The following RBMS3 variants were observed in gnomAD, a reference collection of about 807,000 sequenced individuals.
RBMS3 encodes RNA-binding motif, single-stranded-interacting protein 3.
RBMS3 carries 27 observed loss-of-function variants against 66.8 expected under a neutral mutation model. That is an observed-to-expected ratio of 0.40 (90% CI 0.30 to 0.56). The LOEUF (loss-of-function observed/expected upper bound fraction) is 0.56, where lower values mean the gene tolerates loss of function less well. Ranked by LOEUF, RBMS3 falls within the 20% of genes least tolerant of loss-of-function variation. RBMS3 has a pLI of 0.40. For synonymous variants in RBMS3, 188 were observed against 183.0 expected (o/e 1.03, Z -0.22); for missense variants, 513 against 549.5 (o/e 0.93, Z 0.66).
intron 8 of RBMS3, among the ~76,000 whole-genome samples, chr3:29,894,023 T>A (rs919465569): frequency 2.0e-5 from 3 of 151,594 alleles, no homozygotes; most frequent in Non-Finnish European, 3.0e-5. Context: ...CATTCTAGAA[T>A]GAGAAATGTC....
intron 1 of RBMS3, among the ~76,000 whole-genome samples, chr3:29,387,502 T>A (rs953792906): frequency 6.6e-6 from 1 of 152,200 alleles, no homozygotes; most frequent in African/African-American, 2.4e-5. Context: ...CAGACCTACA[T>A]AATTGCCTGC....
chr3:29,376,305 C>A (rs1318980522), intron 1 of RBMS3, among the ~76,000 whole-genome samples: 1 of 152,162 alleles, frequency 6.6e-6, no homozygotes, highest in African/African-American at 2.4e-5. Flanking sequence ...GCACGTTTAA[C>A]AATGTAACAC....
At chr3:29,311,434 C>T (rs1420470425) in intron 1 of RBMS3, among the ~76,000 whole-genome samples, 3 of 151,592 alleles carry the variant, frequency 2.0e-5, no homozygotes, top group African/African-American at 4.8e-5. Context: ...GGTGCACTGC[C>T]AGATTGGTTG....
chr3:29,283,694 T>C (rs536365959), intron 1 of RBMS3, among the ~76,000 whole-genome samples: 143 of 152,280 alleles, frequency 9.4e-4, no homozygotes, highest in African/African-American at 3.4e-3. Context: ...ATGTTGATAT[T>C]TGGATAATCA....
intron 4 of RBMS3, among the ~76,000 whole-genome samples, chr3:29,596,787 C>A (rs1322925137): frequency 6.6e-6 from 1 of 152,004 alleles, no homozygotes; most frequent in East Asian, 1.9e-4. Context: ...TATTAGAGTC[C>A]CTGATATACA....
chr3:29,753,599 T>C (rs1188505245), intron 5 of RBMS3, among the ~76,000 whole-genome samples: 2 of 152,188 alleles, frequency 1.3e-5, no homozygotes, highest in Admixed American at 6.5e-5. Context: ...TTGTCAGCCA[T>C]TGCACACACA....
intron 2 of RBMS3, among the ~76,000 whole-genome samples, chr3:29,468,498 T>A (rs1035880904): frequency 6.6e-6 from 1 of 152,154 alleles, no homozygotes; most frequent in African/African-American, 2.4e-5. Context: ...ACCGTAACTT[T>A]GTAGGACTGG....
chr3:29,596,347 A>G (rs993400245), intron 4 of RBMS3, among the ~76,000 whole-genome samples: 6 of 152,176 alleles, frequency 3.9e-5, no homozygotes, highest in African/African-American at 1.4e-4. Flanking sequence ...GTTTCTGTGT[A>G]ATTTACTTCT....
intron 1 of RBMS3, among the ~76,000 whole-genome samples, chr3:29,366,300 A>G (rs55817651): frequency 6.6e-6 from 1 of 152,214 alleles, no homozygotes; most frequent in Admixed American, 6.5e-5. Flanking sequence ...CCAAACACAT[A>G]GATCTAGATT....
intron 6 of RBMS3, among the ~76,000 whole-genome samples, chr3:29,807,183 A>G (rs757223311): frequency 6.6e-6 from 1 of 151,948 alleles, no homozygotes; most frequent in Non-Finnish European, 1.5e-5. Context: ...TAGTAAGAAC[A>G]TAAAACTGTC....
chr3:29,589,408 A>T (rs145092970), intron 4 of RBMS3, among the ~76,000 whole-genome samples: 13 of 152,224 alleles, frequency 8.5e-5, no homozygotes, highest in African/African-American at 3.1e-4. Context: ...TTCCAATTGG[A>T]ATGTTTAAAG....
intron 1 of RBMS3, among the ~76,000 whole-genome samples, chr3:29,335,030 C>T (rs377767224): frequency 5.1e-4 from 77 of 152,242 alleles, no homozygotes; most frequent in African/African-American, 1.7e-3. Context: ...GTTTTAATAG[C>T]AGGCATTTTC....
intron 4 of RBMS3, among the ~76,000 whole-genome samples, chr3:29,600,029 A>G (rs1219421505): frequency 6.6e-6 from 1 of 152,152 alleles, no homozygotes; most frequent in Non-Finnish European, 1.5e-5. Flanking sequence ...AAAAACCAAG[A>G]TACTATTTTT....
chr3:29,405,536 A>G (rs1452275825), intron 1 of RBMS3, among the ~76,000 whole-genome samples: 1 of 152,174 alleles, frequency 6.6e-6, no homozygotes, highest in Non-Finnish European at 1.5e-5. Context: ...GGCATACTGT[A>G]ATGCCATTTG....
intron 1 of RBMS3, among the ~76,000 whole-genome samples, chr3:29,292,150 G>T (rs963091691): frequency 1.1e-4 from 16 of 151,658 alleles, no homozygotes; most frequent in African/African-American, 3.6e-4. Flanking sequence ...AGATCTCACT[G>T]AATTTCATCA....
At position 29,503,119 on chromosome 3, in the gene RBMS3, A is replaced by G. The variant is rs2053287; in HGVS notation, c.307+14620A>G. 2.0e-5 allele frequency among the ~76,000 whole-genome samples: 3 copies of G among 152,116 alleles called. No homozygotes were observed. The East Asian group carries it at 5.8e-4, about 29-fold the overall frequency. The stretch of plus-strand genomic sequence containing the variant: ...GATGGATGAATCCAGAGATAAACAA[A>G]CATTTTCTATTTGAATTCTAAAGGT... On this transcript the variant is annotated intron_variant, in intron 3 of 14. Coordinates refer to ENST00000383767, the MANE Select transcript of RBMS3 (RefSeq NM_001003793.3).
intron 4 of RBMS3, among the ~76,000 whole-genome samples, chr3:29,642,147 G>T (rs780933823): frequency 6.6e-6 from 1 of 151,988 alleles, no homozygotes; most frequent in Non-Finnish European, 1.5e-5. Flanking sequence ...GTTATAACCC[G>T]TAGATCTGCC....
At chr3:29,702,663 A>G (rs2052672983) in intron 4 of RBMS3, among the ~76,000 whole-genome samples, 1 of 152,000 alleles carries the variant, frequency 6.6e-6, no homozygotes, top group East Asian at 1.9e-4. Flanking sequence ...TCTGGATAGG[A>G]GGAATGAACA....
At chr3:29,962,878 T>C (rs1218113810) in intron 12 of RBMS3, among the ~76,000 whole-genome samples, 1 of 152,104 alleles carries the variant, frequency 6.6e-6, no homozygotes, top group Non-Finnish European at 1.5e-5. Flanking sequence ...AGCTCCTTTT[T>C]TTTTTCTTCT....
Sources: allele counts gnomAD v4.1 joint callset (sites outside exome capture counted in the v4.1 genomes callset), GRCh38; gene constraint gnomAD v4.1.1; transcripts MANE v1.5; gene names NCBI Gene and HGNC (gene_info 2026-07-23, HGNC 2026-07-21).